TMEM163: variants seen among roughly 807,000 people sequenced by gnomAD.
The protein encoded by TMEM163 is transmembrane protein 163.
Under a neutral mutation model 29.3 loss-of-function variants are expected in TMEM163, and 17 were observed. The ratio of observed to expected loss-of-function variants is 0.58; its 90% confidence interval spans 0.40 to 0.87. The LOEUF is 0.87. TMEM163 is among the 40% of genes least tolerant of loss of function. The pLI, the probability that TMEM163 is intolerant of heterozygous loss-of-function variation, is 0.00. For synonymous variants in TMEM163, 157 were observed against 160.6 expected (o/e 0.98, Z 0.17); for missense variants, 303 against 381.5 (o/e 0.79, Z 1.71).
At chr2:134,626,545 G>A (rs1261331518) in intron 2 of TMEM163, among the ~76,000 whole-genome samples, 2 of 152,114 alleles carry the variant, frequency 1.3e-5, no homozygotes, top group African/African-American at 2.4e-5. Context: ...GTTGCGTTGG[G>A]CCCATCCGGA....
chr2:134,575,087 C>T (rs1004388498), intron 2 of TMEM163, among the ~76,000 whole-genome samples: 5 of 151,982 alleles, frequency 3.3e-5, no homozygotes, highest in African/African-American at 1.2e-4. Context: ...CCTGAGCATG[C>T]AAAATGGGAG....
chr2:134,517,276 C>T (rs1306324038), intron 4 of TMEM163, among the ~76,000 whole-genome samples: 1 of 152,178 alleles, frequency 6.6e-6, no homozygotes, highest in Non-Finnish European at 1.5e-5. Context: ...TCGTGGACTT[C>T]TCGCATGCTT....
chr2:134,550,615 C>A lies in TMEM163; in HGVS notation c.413G>T (p.Arg138Leu). 6.2e-7 allele frequency: 1 copy of A among 1,614,178 alleles called. No individual in the cohort carries two copies. Among genetic ancestry groups the A allele is most frequent in the Non-Finnish European group, 8.5e-7 (1 of 1,180,024 alleles). ...GTGCACAGCGGCCGCGTTGCTGTAA[C>A]GCCACAGGACAATCGCCGATGACAG... ...DVLSSAIVLW[R>L]YSNAAAVHSA... is the part of the protein sequence containing the mutation. Residue 138 changes from arginine (R) to leucine (L), a missense_variant, in exon 4 of 8, where the codon CGT (arginine) becomes CTT (leucine). Around this residue, in one of 2 missense-constraint regions of TMEM163, gnomAD observed 203 missense variants for 294.3 expected, o/e 0.69. Transcript: ENST00000281924.
chr2:134,635,867 T>C (rs372234791), intron 2 of TMEM163, among the ~76,000 whole-genome samples: 1 of 151,988 alleles, frequency 6.6e-6, no homozygotes, highest in Admixed American at 6.5e-5. Context: ...TGTGGACACA[T>C]ACTCGAATCA....
intron 2 of TMEM163, among the ~76,000 whole-genome samples, chr2:134,614,163 G>C (rs955577981): frequency 2.6e-5 from 4 of 152,062 alleles, no homozygotes; most frequent in African/African-American, 9.7e-5. Flanking sequence ...ACTGGAAATA[G>C]ACCTATAAAA....
intron 2 of TMEM163, among the ~76,000 whole-genome samples, chr2:134,570,499 CAT>C (rs1198995475): frequency 1.8e-4 from 26 of 140,976 alleles, no homozygotes; most frequent in African/African-American, 7.7e-4. Flanking sequence ...TATACATATA[CAT>C]ATACATATAC....
At chr2:134,572,918 T>C (rs2104786656) in intron 2 of TMEM163, among the ~76,000 whole-genome samples, 2 of 152,328 alleles carry the variant, frequency 1.3e-5, no homozygotes, top group South Asian at 2.1e-4. Context: ...ACGCATCCTC[T>C]TTTAAATATA....
chr2:134,489,300 G>A (rs1051852490), intron 5 of TMEM163, among the ~76,000 whole-genome samples: 4 of 151,604 alleles, frequency 2.6e-5, no homozygotes, highest in African/African-American at 7.3e-5. Flanking sequence ...TGGGCCAGGC[G>A]TGATGATGAT....
intron 2 of TMEM163, among the ~76,000 whole-genome samples, chr2:134,680,140 C>A (rs117381030): frequency 1.0e-3 from 154 of 152,236 alleles, no homozygotes; most frequent in Middle Eastern, 6.8e-3. Context: ...CTGTTAACTA[C>A]GTAAATGGCT....
intron 4 of TMEM163, among the ~76,000 whole-genome samples, chr2:134,517,210 C>T (rs1680090614): frequency 6.6e-6 from 1 of 152,160 alleles, no homozygotes; most frequent in African/African-American, 2.4e-5. Context: ...ACATGAATTC[C>T]CTGAGGCAAA....
At chr2:134,696,772 T>C (rs1684590864) in intron 2 of TMEM163, among the ~76,000 whole-genome samples, 1 of 152,148 alleles carries the variant, frequency 6.6e-6, no homozygotes, top group Non-Finnish European at 1.5e-5. Context: ...CTTCTAATAG[T>C]ATCTGCAGAA....
intron 2 of TMEM163, among the ~76,000 whole-genome samples, chr2:134,673,734 C>T (rs1684044678): frequency 6.6e-6 from 1 of 152,158 alleles, no homozygotes; most frequent in Non-Finnish European, 1.5e-5. Flanking sequence ...GGAATGCAGG[C>T]AGCCTCTAGA....
chr2:134,509,073 G>A (rs1423914540), intron 4 of TMEM163, among the ~76,000 whole-genome samples: 1 of 152,140 alleles, frequency 6.6e-6, no homozygotes, highest in Non-Finnish European at 1.5e-5. Context: ...CTACTTTAGG[G>A]ACAAAAGTCA....
chr2:134,669,181 C>A (rs1233138549), intron 2 of TMEM163, among the ~76,000 whole-genome samples: 1 of 152,200 alleles, frequency 6.6e-6, no homozygotes, highest in African/African-American at 2.4e-5. Context: ...GACCAAAGTC[C>A]CTCACCACAG....
intron 2 of TMEM163, among the ~76,000 whole-genome samples, chr2:134,646,258 T>C (rs1683334509): frequency 6.6e-6 from 1 of 151,754 alleles, no homozygotes; most frequent in Non-Finnish European, 1.5e-5. Context: ...CGAATTTTTC[T>C]ATTTTTAGTA....
At chr2:134,514,094 AAAG>A (rs1311352883) in intron 4 of TMEM163, among the ~76,000 whole-genome samples, 2 of 152,340 alleles carry the variant, frequency 1.3e-5, no homozygotes, top group Admixed American at 6.5e-5. Context: ...TGCTGAGGTT[AAAG>A]AAGAAGGGGA....
intron 4 of TMEM163, among the ~76,000 whole-genome samples, chr2:134,520,813 A>G (rs571340668): frequency 6.6e-6 from 1 of 152,344 alleles, no homozygotes; most frequent in South Asian, 2.1e-4. Flanking sequence ...GGATCATGAC[A>G]GGGTAAGTCT....
chr2:134,647,915 T>C (rs1195217327), intron 2 of TMEM163, among the ~76,000 whole-genome samples: 1 of 151,990 alleles, frequency 6.6e-6, no homozygotes, highest in Non-Finnish European at 1.5e-5. Context: ...TCTAGGAGGG[T>C]GCCCACGACC....
intron 5 of TMEM163, chr2:134,470,058 C>T (rs1001305751): frequency 1.3e-5 from 2 of 152,364 alleles, no homozygotes; most frequent in African/African-American, 4.8e-5. Context: ...CTGAACCCTA[C>T]CATAAAACTT....
Sources: gnomAD v4.1 joint callset for allele counts (sites outside exome capture counted in the v4.1 genomes callset) on GRCh38, gnomAD v4.1.1 for gene constraint, gnomAD v4.1.1 regional missense constraint, MANE v1.5 for transcripts, NCBI Gene and HGNC (gene_info 2026-07-23, HGNC 2026-07-21) for gene names.